The following EPHA5 variants were observed in gnomAD, a reference collection of about 807,000 sequenced individuals.
EPHA5 encodes EPH receptor A5.
EPHA5 carries 60 observed loss-of-function variants against 105.0 expected under a neutral mutation model. The observed-to-expected ratio is 0.57, with a 90% CI of 0.46 to 0.71. The LOEUF (loss-of-function observed/expected upper bound fraction) is 0.71, where lower values mean the gene tolerates loss of function less well. Ranked by LOEUF, EPHA5 falls within the 30% of genes least tolerant of loss-of-function variation. The pLI, the probability that EPHA5 is intolerant of heterozygous loss-of-function variation, is 0.00. For synonymous variants in EPHA5, 513 were observed against 449.1 expected (o/e 1.14, Z -1.80); for missense variants, 1,218 against 1,274.7 (o/e 0.96, Z 0.68).
chr4:65,633,677 A>C (rs1393144000), intron 2 of EPHA5, among the ~76,000 whole-genome samples: 1 of 152,002 alleles, frequency 6.6e-6, no homozygotes, highest in African/African-American at 2.4e-5. Flanking sequence ...GGGAAAAGGA[A>C]AATATTTGGA....
intron 5 of EPHA5, among the ~76,000 whole-genome samples, chr4:65,457,974 T>C (rs576343235): frequency 6.8e-6 from 1 of 147,566 alleles, no homozygotes; most frequent in African/African-American, 2.5e-5. Flanking sequence ...CTCGGGAGGC[T>C]GAGGCAGGAG....
chr4:65,477,793 A>G (rs1729972836), intron 5 of EPHA5, among the ~76,000 whole-genome samples: 1 of 152,174 alleles, frequency 6.6e-6, no homozygotes, highest in African/African-American at 2.4e-5. Flanking sequence ...CTAGTATCAA[A>G]TAAGGAAATT....
chr4:65,323,252 T>C lies in EPHA5; in HGVS notation c.*862A>G. The C allele has an allele frequency of 4.4e-6, 1 of 229,298 alleles. No individual in the cohort carries two copies. Among genetic ancestry groups the C allele is most frequent in the Middle Eastern group, 1.3e-3 (1 of 772 alleles). 14.2% of individuals were successfully genotyped at this position (229,298 alleles called of 1,614,324 possible). On this transcript the variant is annotated 3_prime_UTR_variant, in exon 17 of 17. Transcript: ENST00000613740. ...AGAGGAAAAGAGACACAAGCTTGTG[T>C]TAAATTTTGTTTTACTGCTTCCCTA...
rs67043049 is a variant in EPHA5 at position 65,330,505 on chromosome 4, T to G, written c.2945+1468A>C. On this transcript the variant is annotated intron_variant, in intron 16 of 16. Transcript: ENST00000613740. ...TTTGAAGGAAGAAGCAAAAATGTAGTAGATGTAACTATATACAGAAAATGT... is the reference window on the plus strand; with the variant it reads ...TTTGAAGGAAGAAGCAAAAATGTAGGAGATGTAACTATATACAGAAAATGT... 2.7e-5 allele frequency: 9 copies of G among 339,368 alleles called. No homozygotes were observed. In the East Asian group the frequency reaches 1.4e-3, roughly 54 times the overall value. 21.0% of individuals were successfully genotyped at this position (339,368 alleles called of 1,614,324 possible). A position where few individuals can be genotyped will look rare whatever the true frequency, so the allele number is the denominator to read the frequency against.
intron 5 of EPHA5, among the ~76,000 whole-genome samples, chr4:65,452,517 TTGTGATGGAG>T (rs1370091484): frequency 5.3e-5 from 8 of 151,888 alleles, no homozygotes; most frequent in Admixed American, 4.6e-4. Context: ...CTAAGTAAAC[TTGTGATGGAG>T]ACTGATTATT....
At chr4:65,545,747 C>G (rs945010711) in intron 3 of EPHA5, among the ~76,000 whole-genome samples, 6 of 151,852 alleles carry the variant, frequency 4.0e-5, no homozygotes, top group African/African-American at 1.4e-4. Flanking sequence ...AATTACCACT[C>G]TTTAAATCGA....
chr4:65,419,822 G>A (rs1365859679), intron 6 of EPHA5, among the ~76,000 whole-genome samples: 1 of 152,110 alleles, frequency 6.6e-6, no homozygotes, highest in Admixed American at 6.5e-5. Context: ...AAGAGGAAAA[G>A]AGTTTATTAC....
At position 65,322,959 on chromosome 4, in the gene EPHA5, A is replaced by G. The variant is rs1335453438; in HGVS notation, c.*1155T>C. 1 of 228,978 alleles carries G rather than the reference A, an allele frequency of 4.4e-6. No individual in the cohort carries two copies. Among genetic ancestry groups the G allele is most frequent in the South Asian group, 1.8e-4 (1 of 5,510 alleles). 14.2% of individuals were successfully genotyped at this position (228,978 alleles called of 1,614,324 possible). A position where few individuals can be genotyped will look rare whatever the true frequency, so the allele number is the denominator to read the frequency against. On this transcript the variant is annotated 3_prime_UTR_variant, in exon 17 of 17. Coordinates refer to ENST00000613740, the MANE Select transcript of EPHA5 (RefSeq NM_001281766.3). ...ACACTTAAGGGTGATGCTTCGTGCT[A>G]TGTGCCTGGATTTAACAACATTAAC...
intron 2 of EPHA5, among the ~76,000 whole-genome samples, chr4:65,640,239 T>A (rs1747519524): frequency 6.6e-6 from 1 of 151,912 alleles, no homozygotes; most frequent in South Asian, 2.1e-4. Flanking sequence ...TCTGTATTTT[T>A]CAATGGCCAT....
At chr4:65,429,150 A>G (rs1196696834) in intron 5 of EPHA5, among the ~76,000 whole-genome samples, 2 of 152,070 alleles carry the variant, frequency 1.3e-5, no homozygotes, top group African/African-American at 2.4e-5. Flanking sequence ...CAGAATTCAA[A>G]TAATTTTTAC....
chr4:65,562,375 G>A (rs1350819439), intron 3 of EPHA5, among the ~76,000 whole-genome samples: 2 of 151,922 alleles, frequency 1.3e-5, no homozygotes, highest in South Asian at 2.1e-4. Flanking sequence ...GACGTTTAGG[G>A]TTCTCCAAAA....
At chr4:65,512,813 C>T (rs760382648) in intron 3 of EPHA5, among the ~76,000 whole-genome samples, 4 of 151,934 alleles carry the variant, frequency 2.6e-5, no homozygotes, top group Admixed American at 2.0e-4. Flanking sequence ...GATCTCATGG[C>T]GAACCATTAA....
chr4:65,501,009 G>A (rs535057869), intron 3 of EPHA5, among the ~76,000 whole-genome samples: 1 of 151,370 alleles, frequency 6.6e-6, no homozygotes, highest in East Asian at 1.9e-4. Flanking sequence ...TCTATCATAT[G>A]TGAATTATCA....
chr4:65,627,498 G>A (rs923896344), intron 2 of EPHA5, among the ~76,000 whole-genome samples: 22 of 152,096 alleles, frequency 1.4e-4, no homozygotes, highest in African/African-American at 5.1e-4. Flanking sequence ...TTGGGAAATA[G>A]TGAGTATCAA....
chr4:65,576,195 A>C (rs545462766), intron 3 of EPHA5, among the ~76,000 whole-genome samples: 1 of 151,644 alleles, frequency 6.6e-6, no homozygotes, highest in South Asian at 2.1e-4. Flanking sequence ...AGGAAGGAAA[A>C]TAAATGCAGA....
rs565698959 is a variant in EPHA5, at chr4:65,465,678, C to T, written c.1402+24699G>A. Among the ~76,000 whole-genome samples the T allele has an allele frequency of 1.3e-4, 20 of 152,200 alleles. No individual in the cohort carries two copies. The East Asian group carries it at 2.3e-3, about 18-fold the overall frequency. Reference sequence around the variant, plus strand: ...AGGAATATGACAGATGTTGCCCATACGGGTTCCCCTGCTGTTGGACTATGT... The same window carrying T: ...AGGAATATGACAGATGTTGCCCATATGGGTTCCCCTGCTGTTGGACTATGT... On this transcript the variant is annotated intron_variant, in intron 5 of 16. Transcript: ENST00000613740.
chr4:65,661,744 G>A (rs2149551037), intron 1 of EPHA5, among the ~76,000 whole-genome samples: 1 of 152,210 alleles, frequency 6.6e-6, no homozygotes, highest in African/African-American at 2.4e-5. Flanking sequence ...GGGCTGAACT[G>A]GTGCCAGCCG....
intron 7 of EPHA5, among the ~76,000 whole-genome samples, chr4:65,411,746 C>T (rs1171588292): frequency 2.6e-5 from 4 of 152,036 alleles, no homozygotes; most frequent in African/African-American, 4.8e-5. Context: ...TACAAAAATA[C>T]AATACAAAAG....
intron 3 of EPHA5, among the ~76,000 whole-genome samples, chr4:65,547,798 G>C (rs1212138292): frequency 6.6e-6 from 1 of 151,922 alleles, no homozygotes; most frequent in Non-Finnish European, 1.5e-5. Context: ...AGGGGCTGGA[G>C]GGTCACAGTT....
Sources: gnomAD v4.1 joint callset for allele counts (sites outside exome capture counted in the v4.1 genomes callset) on GRCh38, gnomAD v4.1.1 for gene constraint, MANE v1.5 for transcripts, NCBI Gene and HGNC (gene_info 2026-07-23, HGNC 2026-07-21) for gene names.